The following CYP4X1 variants were observed in gnomAD, a reference collection of about 807,000 sequenced individuals.
CYP4X1 encodes cytochrome P450 family 4 subfamily X member 1.
In CYP4X1, 44 loss-of-function variants were observed where a neutral mutation model predicts 57.9. The observed-to-expected ratio is 0.76, with a 90% CI of 0.60 to 0.98. CYP4X1 has a LOEUF of 0.98. Among genes scored for constraint, CYP4X1 ranks in the 50% least tolerant of loss-of-function variants. CYP4X1 has a pLI of 0.00. For missense variants in CYP4X1, 532 were observed against 623.9 expected (o/e 0.85, Z 1.57); for synonymous variants, 227 against 228.6 (o/e 0.99, Z 0.06).
the CYP4X1 span, among the ~76,000 whole-genome samples, chr1:46,965,486 G>C: frequency 3.9e-5 from 6 of 152,350 alleles, no homozygotes; most frequent in Admixed American, 3.9e-4. Flanking sequence ...GGCTGCTGCA[G>C]TTTGCTGGCA....
chr1:47,030,263 C>A (rs1348674883), intron 2 of CYP4X1, 132 bp downstream of exon 2: 2 of 1,155,352 alleles, frequency 1.7e-6, no homozygotes, highest in Non-Finnish European at 2.4e-6. Context: ...GGGGAGGTGA[C>A]AGGTTTCCTA....
chr1:46,975,916 C>T, the CYP4X1 span, among the ~76,000 whole-genome samples: 1 of 152,008 alleles, frequency 6.6e-6, no homozygotes, highest in East Asian at 1.9e-4. Context: ...GGTCTTTGAG[C>T]TCTGAGATTC....
At chr1:47,008,778 C>T in the CYP4X1 span, among the ~76,000 whole-genome samples, 2 of 152,078 alleles carry the variant, frequency 1.3e-5, no homozygotes, top group African/African-American at 4.8e-5. Context: ...ATCCTAGTCT[C>T]TGATAAAACA....
At chr1:47,022,924 A>C (rs888316314), upstream of CYP4X1, among the ~76,000 whole-genome samples, 3 of 152,198 alleles carry the variant, frequency 2.0e-5, no homozygotes, top group Non-Finnish European at 4.4e-5. Context: ...ACCACCTGAT[A>C]CGTTACAAAT....
the CYP4X1 span, among the ~76,000 whole-genome samples, chr1:46,967,338 T>G: frequency 6.6e-6 from 1 of 152,140 alleles, no homozygotes; most frequent in Non-Finnish European, 1.5e-5. Context: ...ACTGACGTTG[T>G]GGTAGTTAAT....
chr1:46,961,479 G>A, the CYP4X1 span: 2 of 1,080,218 alleles, frequency 1.9e-6, no homozygotes, highest in South Asian at 1.8e-5. Flanking sequence ...ACCGTTCACT[G>A]GCTTCCAGAA....
At chr1:47,051,135 T>C (rs1231433047), downstream of CYP4X1, among the ~76,000 whole-genome samples, 1 of 152,160 alleles carries the variant, frequency 6.6e-6, no homozygotes, top group Non-Finnish European at 1.5e-5. Flanking sequence ...AAAAAATGCC[T>C]ATCGTCACTG....
the CYP4X1 span, among the ~76,000 whole-genome samples, chr1:46,962,039 T>G: frequency 6.6e-6 from 1 of 152,198 alleles, no homozygotes; most frequent in African/African-American, 2.4e-5. Flanking sequence ...AATCCCTGAT[T>G]AAGACACATT....
At chr1:46,983,763 G>A in the CYP4X1 span, among the ~76,000 whole-genome samples, 1 of 152,176 alleles carries the variant, frequency 6.6e-6, no homozygotes, top group Non-Finnish European at 1.5e-5. Flanking sequence ...TGGCAAAAAT[G>A]GTGGGCATGT....
chr1:47,051,464 A>G (rs1644360080), downstream of CYP4X1, among the ~76,000 whole-genome samples: 1 of 151,986 alleles, frequency 6.6e-6, no homozygotes, highest in African/African-American at 2.4e-5. Flanking sequence ...AGACAGAGTC[A>G]TCTTTTGCTG....
the CYP4X1 span, among the ~76,000 whole-genome samples, chr1:46,984,047 T>C: frequency 1.3e-5 from 2 of 149,518 alleles, no homozygotes; most frequent in Admixed American, 6.7e-5. Context: ...TGGGGCTCCA[T>C]GTGGGCCTGA....
At chr1:47,013,822 G>T in the CYP4X1 span, among the ~76,000 whole-genome samples, 1,584 of 148,300 alleles carry the variant, frequency 0.011, 34 homozygotes, top group African/African-American at 0.037. Flanking sequence ...GAATGCAGTG[G>T]CATGATCTCA....
rs558253703 is a variant in CYP4X1 at position 47,024,122 on chromosome 1, C to T, written c.177+128C>T. ...GACCCTCCGGCTTGCACTGGCCTTT[C>T]CAGCCCGGCCTGTGGCTCTTAGCAT... On this transcript the variant is annotated intron_variant, in intron 1 of 11. Transcript: ENST00000371901. 44 of 1,130,368 alleles carry T rather than the reference C, an allele frequency of 3.9e-5. No individual in the cohort carries two copies. The East Asian group carries it at 1.1e-3, about 27-fold the overall frequency. 70.0% of individuals were successfully genotyped at this position (1,130,368 alleles called of 1,614,324 possible).
At chr1:47,014,064 C>T in the CYP4X1 span, among the ~76,000 whole-genome samples, 1 of 152,014 alleles carries the variant, frequency 6.6e-6, no homozygotes, top group East Asian at 1.9e-4. Context: ...TGTGAGCCAC[C>T]CCACCTGGCC....
downstream of CYP4X1, among the ~76,000 whole-genome samples, chr1:47,051,410 A>G (rs1644359788): frequency 1.3e-5 from 2 of 151,928 alleles, no homozygotes; most frequent in South Asian, 4.1e-4. Flanking sequence ...AAACTTCTCA[A>G]TCTTAATGTT....
the CYP4X1 span, among the ~76,000 whole-genome samples, chr1:47,007,983 A>T: frequency 6.6e-6 from 1 of 152,244 alleles, no homozygotes; most frequent in South Asian, 2.1e-4. Context: ...AAGGGAACCA[A>T]GTTGGAAAAC....
chr1:46,983,258 G>T, the CYP4X1 span, among the ~76,000 whole-genome samples: 1 of 152,180 alleles, frequency 6.6e-6, no homozygotes, highest in East Asian at 1.9e-4. Flanking sequence ...TAGAGCCGGT[G>T]CCTATGGAAG....
the CYP4X1 span, among the ~76,000 whole-genome samples, chr1:47,004,796 C>T: frequency 1.3e-5 from 2 of 152,170 alleles, no homozygotes; most frequent in South Asian, 2.1e-4. Flanking sequence ...CTTATCCCTA[C>T]ATGTGGTGCA....
chr1:47,013,294 GCA>G, the CYP4X1 span, among the ~76,000 whole-genome samples: 1 of 152,164 alleles, frequency 6.6e-6, no homozygotes, highest in East Asian at 1.9e-4. Context: ...TGCATTGGAG[GCA>G]CAGTGTGATA....
Sources: gnomAD v4.1 joint callset for allele counts (sites outside exome capture counted in the v4.1 genomes callset) on GRCh38, gnomAD v4.1.1 for gene constraint, MANE v1.5 for transcripts, NCBI Gene and HGNC (gene_info 2026-07-23, HGNC 2026-07-21) for gene names.